The following PLA2R1 variants were observed in gnomAD, a reference collection of about 807,000 sequenced individuals.
PLA2R1 encodes phospholipase A2 receptor 1, also known as secretory phospholipase A2 receptor.
A neutral mutation model predicts 195.9 loss-of-function variants in PLA2R1; 158 were observed. The observed-to-expected ratio is 0.81, with a 90% confidence interval of 0.71 to 0.92. The LOEUF is 0.92. PLA2R1 is among the 40% of genes least tolerant of loss of function. The probability of loss-of-function intolerance (pLI) is 0.00; values close to 1 mark genes in which losing one functional copy is unlikely to be tolerated. For missense variants in PLA2R1, 1,626 were observed against 1,764.6 expected (o/e 0.92, Z 1.41); for synonymous variants, 586 against 598.2 (o/e 0.98, Z 0.30).
intron 1 of PLA2R1, among the ~76,000 whole-genome samples, chr2:160,049,169 C>A (rs1559012789): frequency 1.3e-5 from 2 of 149,512 alleles, no homozygotes; most frequent in African/African-American, 4.9e-5. Flanking sequence ...AATTTCTATC[C>A]TTTTTTTTTT....
intron 1 of PLA2R1, among the ~76,000 whole-genome samples, chr2:160,061,603 G>A (rs778017759): frequency 2.0e-5 from 3 of 152,094 alleles, no homozygotes; most frequent in South Asian, 2.1e-4. Context: ...GTGAAACTCC[G>A]TCTCCACCAA....
intron 1 of PLA2R1, among the ~76,000 whole-genome samples, chr2:160,052,404 C>A (rs1374855935): frequency 6.6e-6 from 1 of 152,260 alleles, no homozygotes; most frequent in African/African-American, 2.4e-5. Context: ...GGCAGAAAAT[C>A]TCTCTTCCGT....
chr2:159,992,917 G>C (rs1690927930), intron 11 of PLA2R1, among the ~76,000 whole-genome samples: 1 of 152,122 alleles, frequency 6.6e-6, no homozygotes, highest in African/African-American at 2.4e-5. Flanking sequence ...GGGTATCTAG[G>C]TCTAGAAACA....
intron 11 of PLA2R1, among the ~76,000 whole-genome samples, chr2:159,999,360 T>A (rs1466070323): frequency 1.6e-3 from 4 of 2,558 alleles, no homozygotes; most frequent in South Asian, 2.7e-3. Flanking sequence ...TTTTTTTTTT[T>A]TTTTTTTTTT....
intron 11 of PLA2R1, among the ~76,000 whole-genome samples, chr2:160,000,082 A>G (rs941614312): frequency 2.0e-5 from 3 of 152,174 alleles, no homozygotes; most frequent in East Asian, 1.9e-4. Context: ...TTTCTTTCCA[A>G]TTCTGGAGAC....
intron 20 of PLA2R1, among the ~76,000 whole-genome samples, chr2:159,962,073 A>C (rs1222131087): frequency 6.6e-6 from 1 of 152,230 alleles, no homozygotes; most frequent in Non-Finnish European, 1.5e-5. Flanking sequence ...ACAGCAAAAG[A>C]AACTATCATC....
rs1351200875 is a variant in PLA2R1, at chr2:159,949,612, T to C, written c.3705A>G (p.Pro1235=). Reference sequence around the variant, plus strand: ...GTTGAATAGAATTGAACCTACCAGGTGGCACATGACAAATGGCACCTTGCA... The same window carrying C: ...GTTGAATAGAATTGAACCTACCAGGCGGCACATGACAAATGGCACCTTGCA... The part of the protein sequence containing the change: ...SFLQGAICHV[P]PETRQSEHPE... The change falls in exon 25 of 30, where the codon CCA becomes CCG. Residue 1235 remains proline, a synonymous_variant. Coordinates refer to ENST00000283243, the MANE Select transcript of PLA2R1 (RefSeq NM_007366.5). 6.2e-7 allele frequency: 1 copy of C among 1,612,388 alleles called. No individual in the cohort carries two copies. Among genetic ancestry groups the C allele is most frequent in the African/African-American group, 1.3e-5 (1 of 75,000 alleles).
At position 159,944,610 on chromosome 2, in the gene PLA2R1, T is replaced by C. The variant is rs552488559; in HGVS notation, c.4144+296A>G. 1.4e-4 allele frequency among the ~76,000 whole-genome samples: 21 copies of C among 152,324 alleles called. 1 individual carries two copies. In the East Asian group the frequency reaches 3.3e-3, roughly 24 times the overall value. On this transcript the variant is annotated intron_variant, in intron 28 of 29. Coordinates refer to ENST00000283243, the MANE Select transcript of PLA2R1 (RefSeq NM_007366.5). ...CCAGAATGAAGGTTGCTGGTTTACA[T>C]TCCTAGTTCTATTTGCTTGAGGGAA...
rs1691793837 is a variant in PLA2R1, at chr2:160,004,063, AAACAGTT to A, written c.1834+1582_1834+1588del. Among the ~76,000 whole-genome samples, 3 of 152,358 alleles carry A rather than the reference AAACAGTT, an allele frequency of 2.0e-5. No individual in the cohort carries two copies. In the South Asian group the frequency reaches 6.2e-4, roughly 32 times the overall value. On this transcript the variant is annotated intron_variant, in intron 11 of 29. Coordinates refer to ENST00000283243, the MANE Select transcript of PLA2R1 (RefSeq NM_007366.5). Reference sequence around the variant, plus strand: ...AGACAAACACCAGCAGGATCATACCAAACAGTTAACAGTGGTTGTTTCTGAAAAGGGA... The same window carrying A: ...AGACAAACACCAGCAGGATCATACCAAACAGTGGTTGTTTCTGAAAAGGGA...
intron 20 of PLA2R1, among the ~76,000 whole-genome samples, chr2:159,964,701 C>CTTT (rs113758376): frequency 6.6e-6 from 1 of 151,580 alleles, no homozygotes; most frequent in African/African-American, 2.4e-5. Context: ...CATGGCAACC[C>CTTT]TTTTTTTTAA....
At chr2:160,036,420 A>G (rs1166284224) in intron 3 of PLA2R1, among the ~76,000 whole-genome samples, 1 of 152,182 alleles carries the variant, frequency 6.6e-6, no homozygotes, top group African/African-American at 2.4e-5. Context: ...AGGTCTGACC[A>G]CAGGCAGTTA....
At chr2:160,050,209 G>A (rs1374236914) in intron 1 of PLA2R1, among the ~76,000 whole-genome samples, 1 of 152,196 alleles carries the variant, frequency 6.6e-6, no homozygotes, top group East Asian at 1.9e-4. Context: ...CCCTGAACTG[G>A]CTCTTCAACT....
chr2:159,976,509 A>G (rs946683721), intron 16 of PLA2R1, among the ~76,000 whole-genome samples, 176 bp downstream of exon 16: 4 of 152,220 alleles, frequency 2.6e-5, no homozygotes, highest in African/African-American at 9.6e-5. Flanking sequence ...CTAGTCCTTA[A>G]TCATATTAAA....
At chr2:159,950,247 T>C (rs1410787557) in intron 24 of PLA2R1, among the ~76,000 whole-genome samples, 1 of 152,182 alleles carries the variant, frequency 6.6e-6, no homozygotes, top group Non-Finnish European at 1.5e-5. Flanking sequence ...TAAATAATCA[T>C]GAAATATCAT....
intron 1 of PLA2R1, among the ~76,000 whole-genome samples, chr2:160,053,688 C>T (rs1431373530): frequency 6.6e-6 from 1 of 152,238 alleles, no homozygotes; most frequent in African/African-American, 2.4e-5. Context: ...CCTCCAGTCC[C>T]CCAACTTCAA....
chr2:159,956,625 G>A lies in PLA2R1; in HGVS notation c.2907C>T (p.Cys969=). ...GGTCTTTGGGGATATTCAGCAGAAG[G>A]CACTATCAAAAAATGTCAAAACAAA... ...PKGWLYFNYK[C]LLLNIPKDPS... The change falls in exon 21 of 30, where the codon TGC becomes TGT. Residue 969 remains cysteine (C), a splice_region_variant and synonymous_variant. Coordinates refer to ENST00000283243, the MANE Select transcript of PLA2R1 (RefSeq NM_007366.5). 1.3e-6 allele frequency: 2 copies of A among 1,573,478 alleles called. No homozygotes were observed. The highest frequency in any genetic ancestry group is 1.7e-6 in the Non-Finnish European group (2 of 1,143,206).
intron 3 of PLA2R1, among the ~76,000 whole-genome samples, chr2:160,037,865 A>G (rs1694259361): frequency 6.6e-6 from 1 of 152,238 alleles, no homozygotes; most frequent in South Asian, 2.1e-4. Flanking sequence ...CTTAAGGTAG[A>G]ACTTATGACA....
chr2:159,934,650 AT>A lies in PLA2R1; in HGVS notation c.*7127del, dbSNP rs1686736038. 1 of 152,222 alleles carries A rather than the reference AT, an allele frequency of 6.6e-6. No individual in the cohort carries two copies. The highest frequency in any genetic ancestry group is 2.1e-4 in the South Asian group (1 of 4,836). 9.4% of individuals were successfully genotyped at this position (152,222 alleles called of 1,614,324 possible). A position where few individuals can be genotyped will look rare whatever the true frequency, so the allele number is the denominator to read the frequency against. On this transcript the variant is annotated 3_prime_UTR_variant, in exon 30 of 30. Transcript: ENST00000283243. ...AAGTGCCTTATCACCCTTTTAATAT[AT>A]CCAGTGGTGTCTAATATCATAGCAA... is the stretch of plus-strand genomic sequence containing the variant.
chr2:159,958,914 C>T (rs1395979266), intron 20 of PLA2R1, among the ~76,000 whole-genome samples: 2 of 152,200 alleles, frequency 1.3e-5, no homozygotes, highest in Admixed American at 6.5e-5. Context: ...AAAACTCAGT[C>T]CTGATCATGT....
Sources: gnomAD v4.1 joint callset for allele counts (sites outside exome capture counted in the v4.1 genomes callset) on GRCh38, gnomAD v4.1.1 for gene constraint, MANE v1.5 for transcripts, NCBI Gene and HGNC (gene_info 2026-07-23, HGNC 2026-07-21) for gene names.